The following CD226 variants were observed in gnomAD, a reference collection of about 807,000 sequenced individuals.
The protein encoded by CD226 is CD226 molecule, also known as CD226 antigen.
In CD226, 24 loss-of-function variants were observed where a neutral mutation model predicts 34.9. That is an observed-to-expected ratio of 0.69 (90% CI 0.50 to 0.97). The LOEUF (loss-of-function observed/expected upper bound fraction) is 0.97, where lower values mean the gene tolerates loss of function less well. CD226 is among the 50% of genes least tolerant of loss of function. The pLI is 0.00. For missense variants in CD226, 397 were observed against 412.7 expected (o/e 0.96, Z 0.33); for synonymous variants, 148 against 147.4 (o/e 1.00, Z -0.03).
intron 2 of CD226, among the ~76,000 whole-genome samples, chr18:69,940,243 C>T (rs2055706646): frequency 1.3e-5 from 2 of 152,186 alleles, no homozygotes; most frequent in South Asian, 4.1e-4. Context: ...TCAATTAAAC[C>T]TCTTTCCTTT....
intron 2 of CD226, among the ~76,000 whole-genome samples, chr18:69,938,565 C>A (rs186326474): frequency 6.6e-6 from 1 of 152,332 alleles, no homozygotes; most frequent in East Asian, 1.9e-4. Flanking sequence ...TTTAATACAC[C>A]TGAAACAGAC....
intron 2 of CD226, among the ~76,000 whole-genome samples, chr18:69,917,480 AC>A (rs112192139): frequency 4.6e-5 from 7 of 151,022 alleles, no homozygotes; most frequent in East Asian, 2.0e-4. Context: ...TAGGTTACAC[AC>A]CCCCCCAACA....
intron 2 of CD226, among the ~76,000 whole-genome samples, chr18:69,919,659 C>T (rs1315013472): frequency 1.3e-5 from 2 of 152,156 alleles, no homozygotes; most frequent in East Asian, 3.9e-4. Context: ...ACATTTTCAT[C>T]TTATTTCGCT....
At position 69,943,511 on chromosome 18, in the gene CD226, T is replaced by C. The variant is rs538950767; in HGVS notation, c.382+3223A>G. 2.0e-5 allele frequency among the ~76,000 whole-genome samples: 3 copies of C among 152,342 alleles called. No individual in the cohort carries two copies. In the East Asian group the frequency reaches 5.8e-4, roughly 29 times the overall value. ...GAAAGAACACATATTTTCAAATAAC[T>C]TTGTATTAGTAGTACCATTTATTCA... On this transcript the variant is annotated intron_variant, in intron 2 of 5. Coordinates refer to ENST00000582621, the MANE Select transcript of CD226 (RefSeq NM_001303618.2).
intron 3 of CD226, among the ~76,000 whole-genome samples, chr18:69,889,022 G>A (rs1000276595): frequency 6.6e-6 from 1 of 151,906 alleles, no homozygotes; most frequent in Admixed American, 6.6e-5. Flanking sequence ...TAACTGACCG[G>A]TTGCATTTTT....
At chr18:69,919,568 T>A (rs2055426432) in intron 2 of CD226, among the ~76,000 whole-genome samples, 2 of 152,184 alleles carry the variant, frequency 1.3e-5, no homozygotes, top group African/African-American at 4.8e-5. Flanking sequence ...GCAAGGAGAT[T>A]ACCTAAATTT....
chr18:69,931,755 T>A (rs927982887), intron 2 of CD226, among the ~76,000 whole-genome samples: 2 of 152,240 alleles, frequency 1.3e-5, no homozygotes, highest in Non-Finnish European at 2.9e-5. Context: ...AAATTCATCT[T>A]GAATATGCCC....
chr18:69,863,895 G>A lies in CD226; in HGVS notation c.*419C>T, dbSNP rs1309401480. The A allele has an allele frequency of 1.3e-5, 2 of 154,196 alleles. No homozygotes were observed. The highest frequency in any genetic ancestry group is 2.9e-5 in the Non-Finnish European group (2 of 69,492). The allele number at this position is 154,196 out of a possible 1,614,324, so 9.6% of individuals were successfully genotyped here. On this transcript the variant is annotated 3_prime_UTR_variant, in exon 6 of 6. Transcript: ENST00000582621. ...GAAACAAGGATGTATGAATTGCCAA[G>A]AGTTGGCAGCCATCTTGCCAACACA...
chr18:69,873,045 T>C, intron 4 of CD226, 99 bp downstream of exon 4: 1 of 756,798 alleles, frequency 1.3e-6, no homozygotes, highest in Non-Finnish European at 2.4e-6. Context: ...CTCACAAAAA[T>C]ATATATGTGA....
chr18:69,930,910 T>G (rs1160479132), intron 2 of CD226, among the ~76,000 whole-genome samples: 1 of 152,172 alleles, frequency 6.6e-6, no homozygotes, highest in Non-Finnish European at 1.5e-5. Flanking sequence ...TCAAGGACTA[T>G]GAGCAGCACA....
At chr18:69,923,237 AAGAG>A (rs748521099) in intron 2 of CD226, among the ~76,000 whole-genome samples, 26 of 151,394 alleles carry the variant, frequency 1.7e-4, no homozygotes, top group Non-Finnish European at 3.1e-4. Flanking sequence ...GAGAGAAAGA[AAGAG>A]AGAGAGAGAA....
At chr18:69,957,803 C>T (rs951416738), upstream of CD226, among the ~76,000 whole-genome samples, 2 of 152,184 alleles carry the variant, frequency 1.3e-5, no homozygotes, top group Non-Finnish European at 2.9e-5. Context: ...CCAGAGTAGC[C>T]TTCTCAAACA....
At chr18:69,882,688 G>A (rs1229896813) in intron 3 of CD226, among the ~76,000 whole-genome samples, 1 of 152,210 alleles carries the variant, frequency 6.6e-6, no homozygotes, top group African/African-American at 2.4e-5. Context: ...AGAATGTCAA[G>A]AGCTGCACAT....
chr18:69,901,242 A>C (rs1024908301), intron 2 of CD226, among the ~76,000 whole-genome samples: 19 of 152,234 alleles, frequency 1.2e-4, no homozygotes, highest in African/African-American at 4.6e-4. Flanking sequence ...GGAACTTAAA[A>C]AGGAAAAATT....
intron 4 of CD226, among the ~76,000 whole-genome samples, chr18:69,870,092 G>A (rs967900730): frequency 4.6e-5 from 7 of 150,964 alleles, no homozygotes; most frequent in Admixed American, 1.3e-4. Context: ...GTGAGCCATC[G>A]CACCCAGCCA....
intron 3 of CD226, among the ~76,000 whole-genome samples, chr18:69,895,351 C>G (rs1985207377): frequency 6.6e-6 from 1 of 152,120 alleles, no homozygotes; most frequent in African/African-American, 2.4e-5. Context: ...CTTATCACCA[C>G]CATCAAAAAT....
chr18:69,872,057 G>GGTGTGTGT (rs201644137), intron 4 of CD226, among the ~76,000 whole-genome samples: 7,817 of 143,446 alleles, frequency 0.054, 298 homozygotes, highest in African/African-American at 0.1. Context: ...ATTAACAAGG[G>GGTGTGTGT]GTGTGTGTGT....
At chr18:69,887,612 T>C (rs1028633535) in intron 3 of CD226, among the ~76,000 whole-genome samples, 4 of 152,196 alleles carry the variant, frequency 2.6e-5, no homozygotes, top group African/African-American at 9.6e-5. Context: ...CTGTCCAACA[T>C]AGCTAAAGCC....
chr18:69,949,977 T>C (rs1447435184), upstream of CD226, among the ~76,000 whole-genome samples: 1 of 151,454 alleles, frequency 6.6e-6, no homozygotes, highest in African/African-American at 2.4e-5. Context: ...CACTCACATA[T>C]GCACACATTC....
Sources: gnomAD v4.1 joint callset for allele counts (sites outside exome capture counted in the v4.1 genomes callset) on GRCh38, gnomAD v4.1.1 for gene constraint, MANE v1.5 for transcripts, NCBI Gene and HGNC (gene_info 2026-07-23, HGNC 2026-07-21) for gene names.